The following NPAS3 variants were observed in gnomAD, a reference collection of about 807,000 sequenced individuals.
NPAS3 encodes the protein neuronal PAS domain-containing protein 3.
A neutral mutation model predicts 73.1 loss-of-function variants in NPAS3; 14 were observed. The ratio of observed to expected loss-of-function variants is 0.19; its 90% CI spans 0.13 to 0.30. The LOEUF is 0.30. Among genes scored for constraint, NPAS3 ranks in the 10% least tolerant of loss-of-function variants. The pLI is 1.00. For synonymous variants in NPAS3, 620 were observed against 541.5 expected, an observed-to-expected ratio of 1.14 and a Z score of -2.01; for missense variants, 1,096 against 1,250.0, an observed-to-expected ratio of 0.88 and a Z score of 1.86.
intron 5 of NPAS3, among the ~76,000 whole-genome samples, chr14:33,575,579 G>A (rs1402674523): frequency 6.6e-6 from 1 of 152,152 alleles, no homozygotes; most frequent in African/African-American, 2.4e-5. Context: ...GAATATTCAT[G>A]TGGAGGTACA....
intron 5 of NPAS3, among the ~76,000 whole-genome samples, chr14:33,658,428 T>C (rs1374234557): frequency 6.6e-6 from 1 of 152,240 alleles, no homozygotes; most frequent in Non-Finnish European, 1.5e-5. Flanking sequence ...TTTTGAAAAC[T>C]GATTTCACAT....
chr14:33,198,112 T>C (rs2046448714), intron 2 of NPAS3, among the ~76,000 whole-genome samples: 1 of 152,156 alleles, frequency 6.6e-6, no homozygotes, highest in South Asian at 2.1e-4. Flanking sequence ...GGGTTCGTGA[T>C]CTCACTGGCC....
At chr14:33,467,219 AG>A (rs1278833982) in intron 4 of NPAS3, among the ~76,000 whole-genome samples, 1 of 152,168 alleles carries the variant, frequency 6.6e-6, no homozygotes, top group African/African-American at 2.4e-5. Flanking sequence ...AAGGAAGAAA[AG>A]GCTTAGGGAT....
chr14:33,256,166 G>A (rs149351685), intron 3 of NPAS3, among the ~76,000 whole-genome samples: 59 of 152,214 alleles, frequency 3.9e-4, no homozygotes, highest in Middle Eastern at 3.4e-3. Flanking sequence ...TTGTAGTTTC[G>A]TGTAAGAGAA....
intron 3 of NPAS3, among the ~76,000 whole-genome samples, chr14:33,222,969 T>C (rs2047487761): frequency 6.6e-6 from 1 of 152,130 alleles, no homozygotes; most frequent in Admixed American, 6.5e-5. Context: ...TGCTAGTCCC[T>C]GCCCTGTGGT....
At chr14:33,316,076 T>G (rs1215874505) in intron 3 of NPAS3, among the ~76,000 whole-genome samples, 1 of 152,128 alleles carries the variant, frequency 6.6e-6, no homozygotes, top group Non-Finnish European at 1.5e-5. Context: ...CTTTTATACA[T>G]TAAAGCTTAA....
intron 3 of NPAS3, among the ~76,000 whole-genome samples, chr14:33,356,877 CA>C (rs964569418): frequency 2.6e-5 from 4 of 152,184 alleles, no homozygotes; most frequent in African/African-American, 9.7e-5. Flanking sequence ...AATAGGTCTT[CA>C]AGTTAAGTGT....
intron 2 of NPAS3, among the ~76,000 whole-genome samples, chr14:33,118,466 T>C (rs1271055356): frequency 1.3e-5 from 2 of 152,160 alleles, no homozygotes; most frequent in East Asian, 3.9e-4. Context: ...GGTTGTATTC[T>C]TTCATGGTAA....
chr14:33,644,431 T>A (rs1394056209), intron 5 of NPAS3, among the ~76,000 whole-genome samples: 1 of 152,244 alleles, frequency 6.6e-6, no homozygotes, highest in Non-Finnish European at 1.5e-5. Context: ...ATTGCCTTTC[T>A]CATTTGGCCA....
rs1401553020 is a variant in NPAS3 at position 33,123,040 on chromosome 14, G to A, written c.140+67046G>A. Among the ~76,000 whole-genome samples, 6 of 151,912 alleles carry A rather than the reference G, an allele frequency of 3.9e-5. No individual in the cohort carries two copies. The East Asian group carries it at 5.8e-4, about 15-fold the overall frequency. On this transcript the variant is annotated intron_variant, in intron 2 of 11. Transcript: ENST00000356141. ...ATTAAAAACCTGGGAAATACTGGCC[G>A]GACTGTCATTGCTGCACACAACAAA...
chr14:33,006,280 G>A (rs983062508), intron 1 of NPAS3, among the ~76,000 whole-genome samples: 1 of 152,110 alleles, frequency 6.6e-6, no homozygotes, highest in Non-Finnish European at 1.5e-5. Flanking sequence ...GTTGTGCCTG[G>A]GACATTTTGA....
intron 5 of NPAS3, among the ~76,000 whole-genome samples, chr14:33,633,822 A>G (rs1298469617): frequency 2.0e-5 from 3 of 152,098 alleles, no homozygotes; most frequent in Non-Finnish European, 4.4e-5. Context: ...TCTACAAAAA[A>G]TAAAAAATTA....
intron 1 of NPAS3, among the ~76,000 whole-genome samples, chr14:32,982,104 T>A (rs371169401): frequency 6.6e-6 from 1 of 152,218 alleles, no homozygotes; most frequent in South Asian, 2.1e-4. Flanking sequence ...TTAATTCTCA[T>A]ACTCCTGGAG....
rs1297276835 is a variant in NPAS3 at position 33,745,902 on chromosome 14, T to A, written c.852+10570T>A. On this transcript the variant is annotated intron_variant, in intron 7 of 11. Coordinates refer to ENST00000356141, the Ensembl canonical transcript of NPAS3. Reference sequence around the variant, plus strand: ...CAAATGGTTTTCTTTGGGATTGATTTAGCATCATGGGAAGACTAATATAGC... The same window carrying A: ...CAAATGGTTTTCTTTGGGATTGATTAAGCATCATGGGAAGACTAATATAGC... Among the ~76,000 whole-genome samples, 9 of 152,210 alleles carry A rather than the reference T, an allele frequency of 5.9e-5. No individual in the cohort carries two copies. The East Asian group carries it at 1.7e-3, about 29-fold the overall frequency.
chr14:33,284,164 T>C (rs962590104), intron 3 of NPAS3, among the ~76,000 whole-genome samples: 7 of 152,162 alleles, frequency 4.6e-5, no homozygotes, highest in South Asian at 2.1e-4. Flanking sequence ...GCTGTCCTCA[T>C]CCCAAAGTAC....
intron 4 of NPAS3, among the ~76,000 whole-genome samples, chr14:33,539,579 G>A (rs1376238519): frequency 2.0e-5 from 3 of 151,942 alleles, no homozygotes; most frequent in African/African-American, 7.3e-5. Context: ...TTGCTGTTAC[G>A]GTACTAGAAA....
At chr14:33,491,492 G>A (rs779412167) in intron 4 of NPAS3, among the ~76,000 whole-genome samples, 20 of 152,112 alleles carry the variant, frequency 1.3e-4, no homozygotes, top group South Asian at 6.2e-4. Flanking sequence ...GCCTGTGGCC[G>A]TGAGCACTAG....
rs59793359 is a variant in NPAS3, at chr14:33,040,613, T to C, written c.51-15292T>C. On this transcript the variant is annotated intron_variant, in intron 1 of 11. Transcript: ENST00000356141. ...ATACCAGGAGGCACTAATACACATATGACTTTGTTTATTACTTCATTTCAT... is the reference window on the plus strand; with the variant it reads ...ATACCAGGAGGCACTAATACACATACGACTTTGTTTATTACTTCATTTCAT... Among the ~76,000 whole-genome samples, 298 of 152,282 alleles carry C rather than the reference T, an allele frequency of 2.0e-3. 1 individual carries two copies. Among genetic ancestry groups the C allele is most frequent in the African/African-American group, 6.8e-3 (284 of 41,570 alleles).
At chr14:33,235,805 CTTTTTTTTTTTT>C (rs35968798) in intron 3 of NPAS3, among the ~76,000 whole-genome samples, 3 of 80,634 alleles carry the variant, frequency 3.7e-5, no homozygotes, top group East Asian at 8.6e-4. Flanking sequence ...TGATACAATT[CTTTTTTTTTTTT>C]TTTTTTTTTT....
Sources: allele counts gnomAD v4.1 joint callset (sites outside exome capture counted in the v4.1 genomes callset), GRCh38; gene constraint gnomAD v4.1.1; transcripts MANE v1.5; gene names NCBI Gene and HGNC (gene_info 2026-07-23, HGNC 2026-07-21).